PCSK7: variants seen among roughly 807,000 people sequenced by gnomAD.
PCSK7 encodes lymphoma proprotein convertase.
PCSK7 carries 38 observed loss-of-function variants against 73.3 expected under a neutral mutation model. That is an observed-to-expected ratio of 0.52 (90% confidence interval 0.40 to 0.68). The LOEUF (loss-of-function observed/expected upper bound fraction) is 0.68, where lower values mean the gene tolerates loss of function less well. Ranked by LOEUF, PCSK7 falls within the 30% of genes least tolerant of loss-of-function variation. PCSK7 has a pLI of 0.00. For synonymous variants in PCSK7, 296 were observed against 383.8 expected, an observed-to-expected ratio of 0.77 and a Z score of 2.68; for missense variants, 692 against 991.5, an observed-to-expected ratio of 0.70 and a Z score of 4.06.
chr11:117,226,646 G>C (rs1334536062), intron 5 of PCSK7: 1 of 157,522 alleles, frequency 6.3e-6, no homozygotes, highest in African/African-American at 2.4e-5. Context: ...AAGAGGAATA[G>C]TCTGTTCAGT....
At position 117,205,831 on chromosome 11, in the gene PCSK7, T is replaced by G; in HGVS notation, c.*166A>C. The G allele has an allele frequency of 1.7e-6, 1 of 589,670 alleles. No homozygotes were observed. The highest frequency in any genetic ancestry group is 2.8e-6 in the Non-Finnish European group (1 of 357,552). 36.5% of individuals were successfully genotyped at this position (589,670 alleles called of 1,614,324 possible). ...GACCCTGTGGCTCTGACCAGACTTC[T>G]CTGGCAGCAATCCTCCACCATTTGT... On this transcript the variant is annotated 3_prime_UTR_variant, in exon 17 of 17. Transcript: ENST00000320934.
At chr11:117,222,812 A>C in intron 9 of PCSK7, 1 of 166,940 alleles carries the variant, frequency 6.0e-6, no homozygotes. Flanking sequence ...ACACCAGGCT[A>C]ATTTTTGTAT....
chr11:117,210,762 T>A (rs939151496), intron 12 of PCSK7: 3 of 152,054 alleles, frequency 2.0e-5, no homozygotes, highest in Non-Finnish European at 4.4e-5. Flanking sequence ...CTGGGAGACA[T>A]CATCTTTACA....
chr11:117,208,756 T>C, intron 13 of PCSK7, 141 bp downstream of exon 13: 1 of 716,394 alleles, frequency 1.4e-6, no homozygotes, highest in South Asian at 2.1e-5. Flanking sequence ...GAAGAAGGTA[T>C]GTGACGAAAG....
At chr11:117,229,997 C>T (rs1000684904) in intron 2 of PCSK7, 141 bp from the exon 3 acceptor site, 1 of 597,052 alleles carries the variant, frequency 1.7e-6, no homozygotes, top group Admixed American at 3.2e-5. Context: ...ATTTGATCTT[C>T]TCTTTTTGTT....
At chr11:117,226,293 A>G (rs7939747) in intron 5 of PCSK7, 107,668 of 426,680 alleles carry the variant, frequency 0.25, 14,510 homozygotes, top group African/African-American at 0.4. Flanking sequence ...ATGCCACCAC[A>G]CCCGGCTAAT....
chr11:117,224,368 G>T (rs1278878572), intron 7 of PCSK7, 152 bp from the exon 8 acceptor site: 3 of 749,024 alleles, frequency 4.0e-6, no homozygotes, highest in African/African-American at 1.8e-5. Context: ...GATGGACCCC[G>T]CATGTGAGGG....
In PCSK7 at chr11:117,218,956, C is replaced by T; in HGVS notation, c.1431+101G>A. 1.5e-6 allele frequency: 1 copy of T among 670,776 alleles called. No homozygotes were observed. The highest frequency in any genetic ancestry group is 1.9e-5 in the South Asian group (1 of 53,606). The allele number at this position is 670,776 out of a possible 1,614,324, so 41.6% of individuals were successfully genotyped here. A position where few individuals can be genotyped will look rare whatever the true frequency, so the allele number is the denominator to read the frequency against. On this transcript the variant is annotated intron_variant, in intron 11 of 16. Transcript: ENST00000320934. The surrounding 1 kb of genome is among the most constrained non-coding windows in gnomAD (Gnocchi z 4.0). ...TTGTTAAATCAATGAACTGAATGAA[C>T]ATTTACTAGGCACCTATGATATCCC...
At position 117,204,426 on chromosome 11, in the gene PCSK7, C is replaced by T. The variant is rs929594359; in HGVS notation, c.*1571G>A. 13 of 1,609,272 alleles carry T rather than the reference C, an allele frequency of 8.1e-6. No individual in the cohort carries two copies. The East Asian group carries it at 9.0e-5, about 11-fold the overall frequency. ...CTTGGCTGCAGCCATCCCGCTTAGCCTGCCTCACCCACACCCGTGTGGTAC... is the reference window on the plus strand; with the variant it reads ...CTTGGCTGCAGCCATCCCGCTTAGCTTGCCTCACCCACACCCGTGTGGTAC... On this transcript the variant is annotated 3_prime_UTR_variant, in exon 17 of 17. Coordinates refer to ENST00000320934, the MANE Select transcript of PCSK7 (RefSeq NM_004716.4).
At chr11:117,227,418 C>T (rs2032473110) in intron 4 of PCSK7, 96 bp from the exon 5 acceptor site, 1 of 902,444 alleles carries the variant, frequency 1.1e-6, no homozygotes, top group Non-Finnish European at 1.8e-6. Flanking sequence ...GTTTGGGAAT[C>T]GAAGCTAGGG....
chr11:117,216,268 T>C (rs2031979475), intron 12 of PCSK7: 1 of 152,162 alleles, frequency 6.6e-6, no homozygotes, highest in Non-Finnish European at 1.5e-5. Context: ...TTAGAGGTAT[T>C]TAGCCTCCTC....
intron 9 of PCSK7, chr11:117,221,199 T>A (rs1424503141): frequency 6.6e-6 from 1 of 151,978 alleles, no homozygotes; most frequent in Admixed American, 6.6e-5. Flanking sequence ...ACTCACTGCT[T>A]CCCTCCCAGC....
intron 12 of PCSK7, chr11:117,211,937 G>A (rs1197947739): frequency 6.6e-6 from 1 of 152,108 alleles, no homozygotes; most frequent in South Asian, 2.1e-4. Flanking sequence ...TACCTAAAGC[G>A]TTCAGAATGG....
chr11:117,205,292 A>C lies in PCSK7; in HGVS notation c.*705T>G, dbSNP rs2031301197. The C allele has an allele frequency of 4.3e-6, 1 of 233,606 alleles. No individual in the cohort carries two copies. The allele number at this position is 233,606 out of a possible 1,614,324, so 14.5% of individuals were successfully genotyped here. ...TCCCTGAGCACTTGCAGAGGAAGAC[A>C]GGGTGGTGGCAGGACTGGAGTGGCA... On this transcript the variant is annotated 3_prime_UTR_variant, in exon 17 of 17. Coordinates refer to ENST00000320934, the MANE Select transcript of PCSK7 (RefSeq NM_004716.4).
chr11:117,208,951 A>G lies in PCSK7; in HGVS notation c.1637T>C (p.Leu546Pro). The G allele has an allele frequency of 6.2e-7, 1 of 1,612,820 alleles. No homozygotes were observed. Among genetic ancestry groups the G allele is most frequent in the East Asian group, 2.2e-5 (1 of 44,844 alleles). Residue 546 changes from leucine (L) to proline (P), a missense_variant, in exon 13 of 17, where the codon CTG (leucine) becomes CCG (proline). This residue lies in a region of PCSK7 where 20 missense variants were observed against 32.1 expected (regional missense o/e 0.62). Coordinates refer to ENST00000320934, the MANE Select transcript of PCSK7 (RefSeq NM_004716.4). ...GGACATCATGCCACTGGGGCAGAACAGCTTCAGCTCCAAGCTGCCGCGCCG... is the reference window on the plus strand; with the variant it reads ...GGACATCATGCCACTGGGGCAGAACGGCTTCAGCTCCAAGCTGCCGCGCCG... Reference protein sequence around the residue: ...HPRRGSLELKLFCPSGMMSLI... With the variant: ...HPRRGSLELKPFCPSGMMSLI...
At chr11:117,212,060 A>G (rs2031750808) in intron 12 of PCSK7, 1 of 152,102 alleles carries the variant, frequency 6.6e-6, no homozygotes, top group Admixed American at 6.6e-5. Context: ...TACCTTCCCA[A>G]TTGTCCTTGA....
intron 4 of PCSK7, among the ~76,000 whole-genome samples, chr11:117,227,640 AC>A (rs1312710153): frequency 6.6e-6 from 1 of 152,112 alleles, no homozygotes; most frequent in Non-Finnish European, 1.5e-5. Context: ...ACGGGGTTTC[AC>A]CATCTTGGCC....
chr11:117,222,319 CT>C (rs1207476698), intron 9 of PCSK7: 2 of 152,198 alleles, frequency 1.3e-5, no homozygotes, highest in Non-Finnish European at 2.9e-5. Flanking sequence ...GTTAGAGAAG[CT>C]CCATGACCCT....
chr11:117,224,966 T>C, intron 6 of PCSK7: 1 of 573,328 alleles, frequency 1.7e-6, no homozygotes, highest in Non-Finnish European at 3.1e-6. Context: ...AAGGCTCTTC[T>C]TTTCCTTGTG....
Sources: gnomAD v4.1 joint callset for allele counts (sites outside exome capture counted in the v4.1 genomes callset) on GRCh38, gnomAD v4.1.1 for gene constraint, gnomAD v4.1.1 regional missense constraint, Gnocchi (gnomAD v3.1) non-coding constraint, MANE v1.5 for transcripts, NCBI Gene and HGNC (gene_info 2026-07-23, HGNC 2026-07-21) for gene names.